The following AGMO variants were observed in gnomAD, a reference collection of about 807,000 sequenced individuals.
AGMO encodes alkylglycerol monooxygenase.
AGMO carries 75 observed loss-of-function variants against 60.2 expected under a neutral mutation model. That is an observed-to-expected ratio of 1.25 (90% CI 1.03 to 1.51). The LOEUF (loss-of-function observed/expected upper bound fraction) is 1.51, where lower values mean the gene tolerates loss of function less well. Ranked by LOEUF, AGMO falls within the 40% of genes most tolerant of loss-of-function variation. The pLI, the probability that AGMO is intolerant of heterozygous loss-of-function variation, is 0.00. For missense variants in AGMO, 763 were observed against 525.5 expected, an observed-to-expected ratio of 1.45 and a Z score of -4.42; for synonymous variants, 261 against 177.1, an observed-to-expected ratio of 1.47 and a Z score of -3.76.
chr7:15,175,713 G>C, the AGMO span, among the ~76,000 whole-genome samples: 1 of 151,700 alleles, frequency 6.6e-6, no homozygotes, highest in African/African-American at 2.4e-5. Context: ...AGTAGTCCTT[G>C]TCATCCATTC....
chr7:15,536,980 C>G (rs557758043), intron 3 of AGMO, among the ~76,000 whole-genome samples: 2 of 151,866 alleles, frequency 1.3e-5, no homozygotes, highest in African/African-American at 2.4e-5. Flanking sequence ...GCATATTTAG[C>G]GAAAGAGACT....
intron 12 of AGMO, among the ~76,000 whole-genome samples, chr7:15,264,703 G>C (rs112741459): frequency 0.01 from 1,534 of 152,156 alleles, 31 homozygotes; most frequent in African/African-American, 0.034. Flanking sequence ...CTAATGATTA[G>C]AGAAATGCAA....
the AGMO span, among the ~76,000 whole-genome samples, chr7:15,153,150 T>C: frequency 6.6e-6 from 1 of 151,548 alleles, no homozygotes; most frequent in African/African-American, 2.4e-5. Flanking sequence ...GAGAATTGTC[T>C]ATTCATATCC....
chr7:15,341,498 A>T (rs1482557138), intron 12 of AGMO, among the ~76,000 whole-genome samples: 1 of 152,140 alleles, frequency 6.6e-6, no homozygotes, highest in African/African-American at 2.4e-5. Context: ...CATTTTGGTC[A>T]AGGACATTCA....
At chr7:15,137,572 C>G in the AGMO span, among the ~76,000 whole-genome samples, 2 of 151,976 alleles carry the variant, frequency 1.3e-5, no homozygotes, top group Non-Finnish European at 2.9e-5. Context: ...CAGTGCTGGT[C>G]GAGGTGGACA....
chr7:15,512,548 C>A (rs766250937), intron 3 of AGMO, among the ~76,000 whole-genome samples: 1 of 152,146 alleles, frequency 6.6e-6, no homozygotes, highest in African/African-American at 2.4e-5. Context: ...CCACTATGCC[C>A]GGCCTAAAGT....
At chr7:15,380,153 T>C (rs1002501904) in intron 10 of AGMO, among the ~76,000 whole-genome samples, 9 of 152,056 alleles carry the variant, frequency 5.9e-5, no homozygotes, top group African/African-American at 2.2e-4. Context: ...GTATTTTAAG[T>C]TCTGGGCAGG....
In AGMO at chr7:15,397,343, C is replaced by T. The variant is rs1351627385; in HGVS notation, c.610-3164G>A. ...GCAGCCGCCCGGAACCCGAGCCGGC[C>T]CGCGAGCGCCTCGCGCAGCCCCGGC... On this transcript the variant is annotated intron_variant, in intron 5 of 12. Transcript: ENST00000342526. 2.0e-5 allele frequency among the ~76,000 whole-genome samples: 3 copies of T among 151,764 alleles called. No individual in the cohort carries two copies. In the East Asian group the frequency reaches 5.8e-4, roughly 29 times the overall value.
intron 12 of AGMO, among the ~76,000 whole-genome samples, chr7:15,248,418 C>A (rs1782831392): frequency 6.6e-6 from 1 of 151,494 alleles, no homozygotes; most frequent in Non-Finnish European, 1.5e-5. Context: ...AATAGGTTAT[C>A]TAGACCAGAG....
At chr7:15,349,592 T>G (rs1288779388) in intron 12 of AGMO, among the ~76,000 whole-genome samples, 1 of 152,080 alleles carries the variant, frequency 6.6e-6, no homozygotes, top group Non-Finnish European at 1.5e-5. Flanking sequence ...TTCTTCTCAG[T>G]GAATTAATAT....
intron 5 of AGMO, chr7:15,396,295 G>C (rs911361678): frequency 6.6e-6 from 1 of 152,220 alleles, no homozygotes; most frequent in Non-Finnish European, 1.5e-5. Flanking sequence ...CTTCACACAT[G>C]TCTGCAGTTT....
intron 12 of AGMO, among the ~76,000 whole-genome samples, chr7:15,240,851 C>A (rs980283457): frequency 9.2e-5 from 14 of 151,886 alleles, no homozygotes; most frequent in African/African-American, 3.4e-4. Flanking sequence ...ATTCTTATAA[C>A]ATCTAGGTGA....
At chr7:15,195,902 AAT>A (rs989407558), downstream of AGMO, among the ~76,000 whole-genome samples, 3 of 152,092 alleles carry the variant, frequency 2.0e-5, no homozygotes, top group African/African-American at 7.2e-5. Flanking sequence ...CTATGGTGAC[AAT>A]ATTTTTCGAC....
intron 10 of AGMO, among the ~76,000 whole-genome samples, chr7:15,375,413 T>G (rs1428594692): frequency 2.4e-5 from 2 of 82,886 alleles, no homozygotes; most frequent in African/African-American, 9.3e-5. Flanking sequence ...TTTTTTTTTT[T>G]GAGACAGAGT....
At chr7:15,247,693 T>C (rs1175702888) in intron 12 of AGMO, among the ~76,000 whole-genome samples, 1 of 152,086 alleles carries the variant, frequency 6.6e-6, no homozygotes, top group Non-Finnish European at 1.5e-5. Context: ...CAAAATATTT[T>C]CCCAACATGA....
intron 12 of AGMO, among the ~76,000 whole-genome samples, chr7:15,297,119 CCTG>C (rs1784427939): frequency 6.6e-6 from 1 of 152,058 alleles, no homozygotes; most frequent in Non-Finnish European, 1.5e-5. Flanking sequence ...TCAACAAATA[CCTG>C]CTGAACTGAC....
the AGMO span, among the ~76,000 whole-genome samples, chr7:15,146,529 G>A: frequency 6.8e-6 from 1 of 147,020 alleles, no homozygotes; most frequent in Admixed American, 6.7e-5. Context: ...TTTTTTTTTT[G>A]GTCAAAGTAC....
At chr7:15,287,499 T>C (rs1476217333) in intron 12 of AGMO, among the ~76,000 whole-genome samples, 1 of 152,228 alleles carries the variant, frequency 6.6e-6, no homozygotes, top group Non-Finnish European at 1.5e-5. Context: ...AGTTTTGTTC[T>C]ATTCTGAACA....
intron 12 of AGMO, among the ~76,000 whole-genome samples, chr7:15,305,734 C>T (rs571812249): frequency 5.6e-4 from 85 of 151,916 alleles, no homozygotes; most frequent in African/African-American, 1.8e-3. Context: ...ATAAGCAACT[C>T]GGTTTCTACT....
Sources: gnomAD v4.1 joint callset for allele counts (sites outside exome capture counted in the v4.1 genomes callset) on GRCh38, gnomAD v4.1.1 for gene constraint, MANE v1.5 for transcripts, NCBI Gene and HGNC (gene_info 2026-07-23, HGNC 2026-07-21) for gene names.